Variants in CDH12 observed in about 807,000 individuals in gnomAD.
CDH12 encodes cadherin 12, also known as cadherin-12.
In CDH12, 41 loss-of-function variants were observed where a neutral mutation model predicts 74.1. The observed-to-expected ratio is 0.55, with a 90% confidence interval of 0.43 to 0.72. CDH12 has a LOEUF of 0.72. Among genes scored for constraint, CDH12 ranks in the 30% least tolerant of loss-of-function variants. The pLI is 0.00. For synonymous variants in CDH12, 399 were observed against 355.0 expected, an observed-to-expected ratio of 1.12 and a Z score of -1.39; for missense variants, 945 against 977.2, an observed-to-expected ratio of 0.97 and a Z score of 0.44.
chr5:22,130,451 G>T (rs1213507972), intron 4 of CDH12, among the ~76,000 whole-genome samples: 2 of 152,074 alleles, frequency 1.3e-5, no homozygotes. Context: ...TAAAAAATTT[G>T]CACAGAAGAA....
chr5:21,763,174 A>T, intron 12 of CDH12, among the ~76,000 whole-genome samples: 1 of 152,166 alleles, frequency 6.6e-6, no homozygotes, highest in East Asian at 1.9e-4. Flanking sequence ...ATGTCAGAAG[A>T]TTAATGAGTC....
intron 2 of CDH12, among the ~76,000 whole-genome samples, chr5:22,453,869 A>G (rs1745151413): frequency 6.6e-6 from 1 of 152,060 alleles, no homozygotes; most frequent in Non-Finnish European, 1.5e-5. Context: ...TTACTAAGTA[A>G]TCGATTATTT....
At chr5:22,847,606 T>A (rs1328069110) in intron 1 of CDH12, among the ~76,000 whole-genome samples, 1 of 152,226 alleles carries the variant, frequency 6.6e-6, no homozygotes, top group Non-Finnish European at 1.5e-5. Flanking sequence ...TTCCATTACA[T>A]TTAAAAGTAT....
intron 1 of CDH12, among the ~76,000 whole-genome samples, chr5:22,570,670 T>G (rs1340899397): frequency 6.6e-6 from 1 of 151,954 alleles, no homozygotes; most frequent in East Asian, 1.9e-4. Flanking sequence ...TTCTTAAGGG[T>G]GAATTTGAAA....
At chr5:22,651,668 C>A (rs190338794) in intron 1 of CDH12, among the ~76,000 whole-genome samples, 31 of 150,910 alleles carry the variant, frequency 2.1e-4, no homozygotes, top group African/African-American at 6.6e-4. Flanking sequence ...AAAGCCTAAC[C>A]ATATCAGCTA....
chr5:22,749,879 G>A (rs1000926563), intron 1 of CDH12, among the ~76,000 whole-genome samples: 6 of 152,216 alleles, frequency 3.9e-5, no homozygotes, highest in African/African-American at 7.2e-5. Flanking sequence ...TTACGTTTTC[G>A]TATGTTAGCA....
intron 1 of CDH12, among the ~76,000 whole-genome samples, chr5:22,700,166 CA>C (rs1029613529): frequency 3.1e-4 from 45 of 145,742 alleles, no homozygotes; most frequent in African/African-American, 6.2e-4. Flanking sequence ...GACTCTGTCT[CA>C]AAAAAAAAAA....
intron 1 of CDH12, among the ~76,000 whole-genome samples, chr5:22,577,768 A>G (rs1461654891): frequency 1.3e-5 from 2 of 152,074 alleles, no homozygotes; most frequent in East Asian, 1.9e-4. Flanking sequence ...TTTCTTTTCT[A>G]TTGTTCAGCA....
At chr5:22,331,640 T>A (rs538636791) in intron 3 of CDH12, among the ~76,000 whole-genome samples, 1 of 152,156 alleles carries the variant, frequency 6.6e-6, no homozygotes, top group Non-Finnish European at 1.5e-5. Context: ...CAGTAAAACA[T>A]GACCTCACCA....
intron 3 of CDH12, among the ~76,000 whole-genome samples, chr5:22,402,359 T>C (rs1742763465): frequency 6.6e-6 from 1 of 152,334 alleles, no homozygotes; most frequent in East Asian, 1.9e-4. Context: ...ACATTAAAGA[T>C]CTTTCTGGTG....
intron 1 of CDH12, among the ~76,000 whole-genome samples, chr5:22,838,817 T>C (rs1736954840): frequency 6.6e-6 from 1 of 151,890 alleles, no homozygotes; most frequent in African/African-American, 2.4e-5. Flanking sequence ...TAGCTAGGAC[T>C]ACAGGCACAC....
chr5:21,973,450 T>C (rs2150121275), intron 6 of CDH12, among the ~76,000 whole-genome samples: 1 of 152,308 alleles, frequency 6.6e-6, no homozygotes, highest in Non-Finnish European at 1.5e-5. Context: ...ACTTTCCAAA[T>C]ATATTTCTCT....
intron 6 of CDH12, among the ~76,000 whole-genome samples, chr5:21,940,799 T>C (rs1401829665): frequency 6.6e-6 from 1 of 152,130 alleles, no homozygotes; most frequent in Non-Finnish European, 1.5e-5. Flanking sequence ...GTCTTACGTG[T>C]ACATTTGGAC....
At chr5:21,782,149 T>C (rs879703325) in intron 11 of CDH12, among the ~76,000 whole-genome samples, 3 of 152,080 alleles carry the variant, frequency 2.0e-5, no homozygotes, top group Admixed American at 6.5e-5. Flanking sequence ...GAGGTATGGT[T>C]GGAAGGCAGA....
chr5:22,455,035 G>A (rs575044427), intron 2 of CDH12, among the ~76,000 whole-genome samples: 10 of 152,176 alleles, frequency 6.6e-5, no homozygotes, highest in Non-Finnish European at 1.5e-4. Context: ...GAGGTAAACA[G>A]AGTGAGGATA....
At chr5:22,423,410 G>A (rs1417993736) in intron 2 of CDH12, among the ~76,000 whole-genome samples, 2 of 152,092 alleles carry the variant, frequency 1.3e-5, no homozygotes, top group South Asian at 2.1e-4. Flanking sequence ...AGAAAAACTC[G>A]TGCTCCAGAG....
intron 6 of CDH12, among the ~76,000 whole-genome samples, chr5:21,942,976 A>C (rs1755406393): frequency 6.6e-6 from 1 of 152,120 alleles, no homozygotes; most frequent in Non-Finnish European, 1.5e-5. Flanking sequence ...GTGGGAGGTG[A>C]TTGGATCATG....
chr5:22,664,029 AT>A (rs1740482298), intron 1 of CDH12, among the ~76,000 whole-genome samples: 1 of 152,132 alleles, frequency 6.6e-6, no homozygotes, highest in African/African-American at 2.4e-5. Context: ...TCCTTTTATT[AT>A]GCAGATTACC....
At chr5:22,020,544 G>A (rs1390818980) in intron 5 of CDH12, among the ~76,000 whole-genome samples, 1 of 138,050 alleles carries the variant, frequency 7.2e-6, no homozygotes, top group Non-Finnish European at 1.5e-5. Context: ...ACAAGAGTGA[G>A]ACTTCGTTTC....
Sources: allele counts gnomAD v4.1 joint callset (sites outside exome capture counted in the v4.1 genomes callset), GRCh38; gene constraint gnomAD v4.1.1; transcripts MANE v1.5; gene names NCBI Gene and HGNC (gene_info 2026-07-23, HGNC 2026-07-21).